The following CSMD1 variants were observed in gnomAD, a reference collection of about 807,000 sequenced individuals.
The protein encoded by CSMD1 is CUB and sushi domain-containing protein 1.
In CSMD1, 213 loss-of-function variants were observed where a neutral mutation model predicts 417.5. The observed-to-expected ratio is 0.51, with a 90% CI of 0.46 to 0.57. The LOEUF is 0.57. Ranked by LOEUF, CSMD1 falls within the 20% of genes least tolerant of loss-of-function variation. CSMD1 has a pLI of 0.00. For missense variants in CSMD1, 6,923 were observed against 4,529.7 expected, an observed-to-expected ratio of 1.53 and a Z score of -15.17; for synonymous variants, 2,862 against 1,736.8, an observed-to-expected ratio of 1.65 and a Z score of -16.11.
chr8:3,215,200 C>G (rs11988224), intron 29 of CSMD1, among the ~76,000 whole-genome samples: 68 of 152,064 alleles, frequency 4.5e-4, no homozygotes, highest in Admixed American at 8.5e-4. Flanking sequence ...CGAATAACAA[C>G]AGACAGACTT....
At chr8:4,976,848 G>C (rs926761322) in intron 1 of CSMD1, among the ~76,000 whole-genome samples, 2 of 152,018 alleles carry the variant, frequency 1.3e-5, no homozygotes, top group African/African-American at 4.8e-5. Context: ...GCCACTTTGG[G>C]GCAACTGTGC....
intron 3 of CSMD1, among the ~76,000 whole-genome samples, chr8:4,033,045 A>T (rs1797431509): frequency 6.7e-6 from 1 of 149,718 alleles, no homozygotes; most frequent in African/African-American, 2.5e-5. Context: ...GGTCTCTTCA[A>T]TACTTTCTTC....
intron 3 of CSMD1, among the ~76,000 whole-genome samples, chr8:4,137,916 C>T (rs1003766829): frequency 1.3e-5 from 2 of 151,826 alleles, no homozygotes; most frequent in Non-Finnish European, 2.9e-5. Flanking sequence ...CTCGCTCTGT[C>T]GCCCAGGTTG....
intron 2 of CSMD1, among the ~76,000 whole-genome samples, chr8:4,453,338 A>G (rs1056130099): frequency 7.9e-5 from 12 of 152,264 alleles, no homozygotes; most frequent in East Asian, 1.9e-4. Flanking sequence ...CCCACTGGGA[A>G]CCAACTGCCC....
chr8:3,768,153 G>A (rs1224595933), intron 5 of CSMD1, among the ~76,000 whole-genome samples: 1 of 152,176 alleles, frequency 6.6e-6, no homozygotes, highest in Middle Eastern at 3.2e-3. Flanking sequence ...TGGACAGTAA[G>A]GTAGGAGAAC....
At chr8:3,639,053 T>G (rs1297332200) in intron 7 of CSMD1, among the ~76,000 whole-genome samples, 1 of 152,230 alleles carries the variant, frequency 6.6e-6, no homozygotes, top group Non-Finnish European at 1.5e-5. Flanking sequence ...CATTTTCCAC[T>G]TAGCATTACG....
intron 3 of CSMD1, among the ~76,000 whole-genome samples, chr8:4,042,262 GA>G (rs1202583916): frequency 1.3e-5 from 2 of 152,088 alleles, no homozygotes; most frequent in African/African-American, 4.8e-5. Context: ...CAGCAATGAA[GA>G]AAAAATCTTT....
intron 5 of CSMD1, among the ~76,000 whole-genome samples, chr8:3,781,464 G>C (rs902280483): frequency 9.2e-5 from 14 of 151,564 alleles, no homozygotes; most frequent in Admixed American, 7.9e-4. Flanking sequence ...TACGGGTTAA[G>C]GGAGCTGCTG....
At chr8:3,181,829 G>C (rs750902351) in intron 36 of CSMD1, among the ~76,000 whole-genome samples, 2 of 152,172 alleles carry the variant, frequency 1.3e-5, no homozygotes, top group Admixed American at 6.5e-5. Flanking sequence ...CGATTGGAAA[G>C]GGCAATACAG....
chr8:3,735,104 C>T (rs1466401468), intron 6 of CSMD1, among the ~76,000 whole-genome samples: 2 of 152,198 alleles, frequency 1.3e-5, no homozygotes, highest in Admixed American at 1.3e-4. Context: ...GAAACAGGTA[C>T]ATTTGCAAAA....
intron 1 of CSMD1, among the ~76,000 whole-genome samples, chr8:4,648,714 G>C (rs1389473520): frequency 6.6e-6 from 1 of 152,086 alleles, no homozygotes; most frequent in African/African-American, 2.4e-5. Flanking sequence ...CTTTTCCTCA[G>C]TGTCTTTGTG....
intron 3 of CSMD1, among the ~76,000 whole-genome samples, chr8:4,301,243 C>A (rs1441985444): frequency 1.3e-5 from 2 of 152,118 alleles, no homozygotes; most frequent in Non-Finnish European, 2.9e-5. Flanking sequence ...CATAATAAGC[C>A]AACATCATCA....
intron 30 of CSMD1, among the ~76,000 whole-genome samples, chr8:3,206,493 T>TGG (rs1797284225): frequency 1.5e-5 from 2 of 131,470 alleles, no homozygotes; most frequent in African/African-American, 2.9e-5. Flanking sequence ...TATGTGTGTG[T>TGG]GGGTGTATGT....
At chr8:4,263,873 A>G (rs1333609190) in intron 3 of CSMD1, among the ~76,000 whole-genome samples, 2 of 152,310 alleles carry the variant, frequency 1.3e-5, no homozygotes, top group African/African-American at 2.4e-5. Flanking sequence ...TGTTTTGACC[A>G]GAATGCTCAG....
At chr8:3,949,179 T>C (rs1811439349) in intron 5 of CSMD1, among the ~76,000 whole-genome samples, 2 of 152,242 alleles carry the variant, frequency 1.3e-5, no homozygotes. Flanking sequence ...ATGCATTGCT[T>C]TACATCCTTA....
At chr8:3,675,523 A>G (rs1449041814) in intron 7 of CSMD1, among the ~76,000 whole-genome samples, 1 of 152,168 alleles carries the variant, frequency 6.6e-6, no homozygotes, top group Non-Finnish European at 1.5e-5. Context: ...CCCAATCTCC[A>G]ATGAGATGGT....
intron 3 of CSMD1, among the ~76,000 whole-genome samples, chr8:4,334,453 C>A (rs1174694594): frequency 6.6e-6 from 1 of 152,154 alleles, no homozygotes; most frequent in Non-Finnish European, 1.5e-5. Flanking sequence ...AAGACTGCAA[C>A]ATCAAACTCC....
chr8:4,525,221 T>C (rs1282551015), intron 2 of CSMD1, among the ~76,000 whole-genome samples: 1 of 152,060 alleles, frequency 6.6e-6, no homozygotes, highest in Non-Finnish European at 1.5e-5. Context: ...AAGGAAGAAG[T>C]GGTCCTTTAG....
At chr8:4,225,890 G>T (rs958591859) in intron 3 of CSMD1, among the ~76,000 whole-genome samples, 2 of 152,118 alleles carry the variant, frequency 1.3e-5, no homozygotes, top group African/African-American at 4.8e-5. Flanking sequence ...CTTCTATTAA[G>T]ATTGTAATTA....
Sources: allele counts gnomAD v4.1 joint callset (sites outside exome capture counted in the v4.1 genomes callset), GRCh38; gene constraint gnomAD v4.1.1; transcripts MANE v1.5; gene names NCBI Gene and HGNC (gene_info 2026-07-23, HGNC 2026-07-21).